The following SYN3 variants were observed in gnomAD, a reference collection of about 807,000 sequenced individuals.
The protein encoded by SYN3 is synapsin-3.
SYN3 carries 35 observed loss-of-function variants against 65.8 expected under a neutral mutation model. The observed-to-expected ratio is 0.53, with a 90% confidence interval of 0.41 to 0.70. The LOEUF is 0.70. SYN3 is among the 30% of genes least tolerant of loss of function. The pLI is 0.00. For synonymous variants in SYN3, 270 were observed against 292.9 expected (o/e 0.92, Z 0.80); for missense variants, 680 against 749.0 (o/e 0.91, Z 1.08).
In SYN3 at chr22:32,941,670, G is replaced by A. The variant is rs565864488; in HGVS notation, c.370-10189C>T. Reference sequence around the variant, plus strand: ...CGAGGCATCGCCTCACCCGGGAAGCGCAAGGGGTAAGGGAATTCCCTTTCC... The same window carrying A: ...CGAGGCATCGCCTCACCCGGGAAGCACAAGGGGTAAGGGAATTCCCTTTCC... On this transcript the variant is annotated intron_variant, in intron 3 of 13. Coordinates refer to ENST00000358763, the MANE Select transcript of SYN3 (RefSeq NM_003490.4). Among the ~76,000 whole-genome samples the A allele has an allele frequency of 3.9e-5, 6 of 152,280 alleles. No homozygotes were observed. In the East Asian group the frequency reaches 5.8e-4, roughly 15 times the overall value.
chr22:32,859,779 T>A (rs992653676), intron 6 of SYN3: 7 of 234,006 alleles, frequency 3.0e-5, no homozygotes, highest in African/African-American at 1.6e-4. Flanking sequence ...CCTCTTCCCT[T>A]TGCCCTTCTC....
At chr22:32,625,325 T>C (rs1012414777) in intron 6 of SYN3, among the ~76,000 whole-genome samples, 1 of 152,124 alleles carries the variant, frequency 6.6e-6, no homozygotes, top group Non-Finnish European at 1.5e-5. Context: ...TTTGGAACAA[T>C]GGTTAGATCC....
chr22:32,510,643 A>AT lies in SYN3; in HGVS notation c.*3048dup, dbSNP rs1277260364. The stretch of plus-strand genomic sequence containing the variant: ...CCCTGAGTAAGGAGGGTGGATATAT[A>AT]TTTTTTTAAGTGGAAGAAACCAAAC... On this transcript the variant is annotated 3_prime_UTR_variant, in exon 14 of 14. Coordinates refer to ENST00000358763, the MANE Select transcript of SYN3 (RefSeq NM_003490.4). Among the ~76,000 whole-genome samples the AT allele has an allele frequency of 1.3e-5, 2 of 152,078 alleles. No individual in the cohort carries two copies. The highest frequency in any genetic ancestry group is 2.9e-5 in the Non-Finnish European group (2 of 68,010).
intron 1 of SYN3, among the ~76,000 whole-genome samples, chr22:33,007,489 T>C (rs1038849521): frequency 2.0e-5 from 3 of 152,210 alleles, no homozygotes; most frequent in African/African-American, 7.2e-5. Flanking sequence ...ATGCTGAATA[T>C]GATGCTTCGG....
At chr22:32,980,247 G>C (rs955579521) in intron 3 of SYN3, among the ~76,000 whole-genome samples, 1 of 152,150 alleles carries the variant, frequency 6.6e-6, no homozygotes, top group African/African-American at 2.4e-5. Flanking sequence ...AGAGAGGCAG[G>C]ATTCAAGGCC....
chr22:32,718,790 A>G (rs2061075170), intron 6 of SYN3, among the ~76,000 whole-genome samples: 1 of 152,208 alleles, frequency 6.6e-6, no homozygotes, highest in Admixed American at 6.5e-5. Flanking sequence ...GATAAAATAC[A>G]TGTGTGACTG....
chr22:32,516,211 T>C (rs1361574940), intron 13 of SYN3, among the ~76,000 whole-genome samples: 1 of 103,080 alleles, frequency 9.7e-6, no homozygotes, highest in African/African-American at 2.6e-5. Flanking sequence ...TATTTATTTA[T>C]GCAAATATTT....
intron 6 of SYN3, among the ~76,000 whole-genome samples, chr22:32,800,524 G>C (rs1390587086): frequency 6.6e-6 from 1 of 152,190 alleles, no homozygotes; most frequent in Non-Finnish European, 1.5e-5. Context: ...AATACGGTGA[G>C]ATACAGAATC....
intron 6 of SYN3, among the ~76,000 whole-genome samples, chr22:32,709,725 T>C (rs1396288472): frequency 6.6e-6 from 1 of 152,178 alleles, no homozygotes; most frequent in African/African-American, 2.4e-5. Context: ...CTCTTTTCAA[T>C]GCATCTTTTT....
chr22:32,517,096 A>G (rs907552827), intron 13 of SYN3, among the ~76,000 whole-genome samples: 5 of 152,336 alleles, frequency 3.3e-5, no homozygotes, highest in African/African-American at 7.2e-5. Context: ...AATGACTGCA[A>G]TGATTCCTCT....
chr22:33,005,551 G>A (rs2053175041), intron 2 of SYN3, among the ~76,000 whole-genome samples: 1 of 152,212 alleles, frequency 6.6e-6, no homozygotes, highest in Non-Finnish European at 1.5e-5. Flanking sequence ...AAACTACCTG[G>A]TGAATGACTG....
At chr22:32,809,109 A>G (rs933104908) in intron 6 of SYN3, among the ~76,000 whole-genome samples, 2 of 152,228 alleles carry the variant, frequency 1.3e-5, no homozygotes, top group South Asian at 2.1e-4. Context: ...TGTGCCAGGC[A>G]CTGTACCAAG....
chr22:32,591,875 G>C (rs574782521), intron 7 of SYN3, among the ~76,000 whole-genome samples: 2 of 152,148 alleles, frequency 1.3e-5, no homozygotes, highest in Non-Finnish European at 2.9e-5. Flanking sequence ...TGCCCAGGAC[G>C]TGAATCATCA....
intron 6 of SYN3, among the ~76,000 whole-genome samples, chr22:32,740,951 C>T (rs1894452): frequency 0.69 from 105,620 of 152,026 alleles, 36,979 homozygotes; most frequent in East Asian, 0.91. Flanking sequence ...ATCGCAGTCC[C>T]GTGGGGGCTG....
At chr22:32,671,501 GCA>G (rs2060363114) in intron 6 of SYN3, among the ~76,000 whole-genome samples, 1 of 150,956 alleles carries the variant, frequency 6.6e-6, no homozygotes. Flanking sequence ...TCGCACAGGT[GCA>G]CACACGCTCT....
intron 6 of SYN3, among the ~76,000 whole-genome samples, chr22:32,695,689 C>T (rs928198428): frequency 2.6e-5 from 4 of 152,184 alleles, no homozygotes; most frequent in Admixed American, 6.5e-5. Context: ...ACCTCTAAGA[C>T]ATTTAAGCAA....
At position 32,858,113 on chromosome 22, in the gene SYN3, G is replaced by A. The variant is rs1462196369; in HGVS notation, c.711+6802C>T. The A allele has an allele frequency of 3.1e-6, 5 of 1,614,162 alleles. 1 individual carries two copies. The South Asian group carries it at 3.3e-5, about 11-fold the overall frequency. On this transcript the variant is annotated intron_variant, in intron 6 of 13. Coordinates refer to ENST00000358763, the MANE Select transcript of SYN3 (RefSeq NM_003490.4). The stretch of plus-strand genomic sequence containing the variant: ...TCCCAGCGCAAGGGGCTGAACTATC[G>A]GTATCACCTGGGTTGTAACTGCAAG...
At chr22:32,879,197 A>G (rs948348053) in intron 4 of SYN3, among the ~76,000 whole-genome samples, 43 of 152,212 alleles carry the variant, frequency 2.8e-4, no homozygotes, top group African/African-American at 9.9e-4. Flanking sequence ...ACATACCCTT[A>G]AACAGATTTT....
chr22:32,990,560 G>C (rs79157599), intron 2 of SYN3, among the ~76,000 whole-genome samples: 2,047 of 152,082 alleles, frequency 0.013, 57 homozygotes, highest in African/African-American at 0.047. Flanking sequence ...GTGCTACATA[G>C]GCCCTTGAAA....
Sources: allele counts gnomAD v4.1 joint callset (sites outside exome capture counted in the v4.1 genomes callset), GRCh38; gene constraint gnomAD v4.1.1; transcripts MANE v1.5; gene names NCBI Gene and HGNC (gene_info 2026-07-23, HGNC 2026-07-21).